FNBP1: variants seen among roughly 807,000 people sequenced by gnomAD.
FNBP1 encodes formin-binding protein 1.
A neutral mutation model predicts 90.6 loss-of-function variants in FNBP1; 26 were observed. That is an observed-to-expected ratio of 0.29 (90% CI 0.21 to 0.40). FNBP1 has a LOEUF of 0.40. Ranked by LOEUF, FNBP1 falls within the 10% of genes least tolerant of loss-of-function variation. The pLI, the probability that FNBP1 is intolerant of heterozygous loss-of-function variation, is 1.00. For synonymous variants in FNBP1, 260 were observed against 265.2 expected (o/e 0.98, Z 0.19); for missense variants, 635 against 768.0 (o/e 0.83, Z 2.05).
chr9:129,898,781 C>A (rs747375358), intron 15 of FNBP1, among the ~76,000 whole-genome samples: 1 of 152,168 alleles, frequency 6.6e-6, no homozygotes, highest in East Asian at 1.9e-4. Context: ...AGCCACTGCA[C>A]CCAGCCGCTG....
chr9:129,998,630 C>T (rs1230581801), intron 1 of FNBP1, among the ~76,000 whole-genome samples: 4 of 152,150 alleles, frequency 2.6e-5, no homozygotes, highest in African/African-American at 9.7e-5. Context: ...AGGATATGCT[C>T]TTAGGTTTCA....
At chr9:129,962,897 C>A (rs2048029939) in intron 4 of FNBP1, among the ~76,000 whole-genome samples, 1 of 152,132 alleles carries the variant, frequency 6.6e-6, no homozygotes, top group African/African-American at 2.4e-5. Context: ...GGGAGGACCC[C>A]CCAGAGACCA....
chr9:129,918,228 T>C (rs1362193564), intron 10 of FNBP1, among the ~76,000 whole-genome samples: 1 of 152,226 alleles, frequency 6.6e-6, no homozygotes, highest in Non-Finnish European at 1.5e-5. Context: ...TCGACTTTAT[T>C]TGTGATGGAT....
At chr9:130,033,537 C>T (rs1363589768) in intron 1 of FNBP1, among the ~76,000 whole-genome samples, 1 of 152,134 alleles carries the variant, frequency 6.6e-6, no homozygotes, top group East Asian at 1.9e-4. Context: ...AGACTCAAAA[C>T]TTTAAAACCC....
chr9:129,905,729 CA>C (rs1466060802), intron 12 of FNBP1, among the ~76,000 whole-genome samples: 2 of 152,148 alleles, frequency 1.3e-5, no homozygotes, highest in Admixed American at 6.6e-5. Flanking sequence ...AATATGCATT[CA>C]GAGCAATAAA....
chr9:129,927,631 C>T (rs944271400), intron 7 of FNBP1, among the ~76,000 whole-genome samples: 6 of 151,846 alleles, frequency 4.0e-5, no homozygotes, highest in Admixed American at 2.0e-4. Flanking sequence ...TTTTTTGAGA[C>T]GGAGTTTTGC....
intron 4 of FNBP1, among the ~76,000 whole-genome samples, chr9:129,977,933 G>C (rs1465830909): frequency 2.0e-5 from 3 of 152,020 alleles, no homozygotes; most frequent in African/African-American, 7.2e-5. Context: ...TGGGTCCACA[G>C]ATGAGTTTCA....
intron 1 of FNBP1, among the ~76,000 whole-genome samples, chr9:130,033,414 G>A (rs546099413): frequency 2.0e-5 from 3 of 152,282 alleles, no homozygotes; most frequent in East Asian, 1.9e-4. Flanking sequence ...TCAGGAACCC[G>A]TTCTCAATTT....
chr9:129,908,208 T>C lies in FNBP1; in HGVS notation c.1295+682A>G, dbSNP rs567482345. On this transcript the variant is annotated intron_variant, in intron 12 of 16. Transcript: ENST00000446176. ...TGCCAAGGCTGGTCTCTCTCTCTTT[T>C]TTTTTTTTTTTTTGAGATAGGGTCT... is the stretch of plus-strand genomic sequence containing the variant. Among the ~76,000 whole-genome samples, 190 of 133,140 alleles carry C rather than the reference T, an allele frequency of 1.4e-3. 2 individuals carry two copies. In the South Asian group the frequency reaches 0.029, roughly 20 times the overall value. The allele number at this position is 133,140 out of a possible 152,430, so 87.3% of individuals were successfully genotyped here. A position where few individuals can be genotyped will look rare whatever the true frequency, so the allele number is the denominator to read the frequency against.
At chr9:129,941,484 GAGAC>G (rs1435865146) in intron 6 of FNBP1, among the ~76,000 whole-genome samples, 2 of 152,134 alleles carry the variant, frequency 1.3e-5, no homozygotes, top group African/African-American at 4.8e-5. Context: ...GTTTTTAACT[GAGAC>G]AGAGTCTTGC....
intron 6 of FNBP1, among the ~76,000 whole-genome samples, chr9:129,943,647 A>G (rs540741276): frequency 2.0e-5 from 3 of 152,168 alleles, no homozygotes; most frequent in Admixed American, 1.3e-4. Flanking sequence ...TTGGCAGCCT[A>G]AAGTGCTGGG....
the FNBP1 span, among the ~76,000 whole-genome samples, chr9:130,050,987 G>C: frequency 6.6e-6 from 1 of 151,030 alleles, no homozygotes; most frequent in East Asian, 1.9e-4. Context: ...TGTAACCTCC[G>C]CTTCCCAAGT....
intron 4 of FNBP1, among the ~76,000 whole-genome samples, chr9:129,963,920 C>T (rs976973395): frequency 1.3e-5 from 2 of 152,042 alleles, no homozygotes; most frequent in Non-Finnish European, 2.9e-5. Context: ...CAGCCCCAGC[C>T]TTTTTCACAG....
chr9:129,927,050 G>T, intron 8 of FNBP1, 145 bp downstream of exon 8: 1 of 702,448 alleles, frequency 1.4e-6, no homozygotes. Flanking sequence ...GAATTATACA[G>T]CTAAATCCAA....
chr9:129,896,114 C>G (rs1317998587), intron 15 of FNBP1, 118 bp from the exon 16 acceptor site: 1 of 1,033,114 alleles, frequency 9.7e-7, no homozygotes, highest in Admixed American at 2.4e-5. Flanking sequence ...AAATTCACCC[C>G]ACTCGGACCT....
intron 1 of FNBP1, among the ~76,000 whole-genome samples, chr9:130,008,361 G>GA (rs1399883528): frequency 1.3e-5 from 2 of 151,722 alleles, no homozygotes; most frequent in East Asian, 1.9e-4. Flanking sequence ...AAAACAAACC[G>GA]AAAAAACCAC....
rs151289423 is a variant in FNBP1, at chr9:129,978,630, C to T, written c.198-18G>A. 1.4e-4 allele frequency: 226 copies of T among 1,608,124 alleles called. No homozygotes were observed. The African/African-American group carries it at 1.4e-3, about 10-fold the overall frequency. On this transcript the variant is annotated intron_variant, in intron 3 of 16. Coordinates refer to ENST00000446176, the MANE Select transcript of FNBP1 (RefSeq NM_015033.3). ...ACGTATACCTATGGAACAGAACACA[C>T]GCCACTCTGTTTCACACAAGGCCAC...
At chr9:129,905,292 G>A (rs796687056) in intron 12 of FNBP1, among the ~76,000 whole-genome samples, 28 of 56,292 alleles carry the variant, frequency 5.0e-4, no homozygotes, top group Middle Eastern at 9.1e-3. Context: ...GTGTGTGTGT[G>A]TGTATATATA....
chr9:130,042,920 G>A lies in FNBP1; in HGVS notation c.24+32C>T. On this transcript the variant is annotated intron_variant, in intron 1 of 16. Transcript: ENST00000446176. This position sits in a 1 kb window ranked among gnomAD's most constrained non-coding sequence, Gnocchi z 5.5. ...CGCGGGGAAACGCAGCGCGCGCCCC[G>A]CATCTGCCCGCGGGCCCAGCCCCTC... 2 of 1,223,202 alleles carry A rather than the reference G, an allele frequency of 1.6e-6. No homozygotes were observed. Among genetic ancestry groups the A allele is most frequent in the South Asian group, 3.7e-5 (1 of 26,874 alleles). The allele number at this position is 1,223,202 out of a possible 1,614,324, so 75.8% of individuals were successfully genotyped here.
Sources: allele counts gnomAD v4.1 joint callset (sites outside exome capture counted in the v4.1 genomes callset), GRCh38; gene constraint gnomAD v4.1.1; non-coding constraint Gnocchi (gnomAD v3.1); transcripts MANE v1.5; gene names NCBI Gene and HGNC (gene_info 2026-07-23, HGNC 2026-07-21).